Variants in KCNS3 observed in about 807,000 individuals in gnomAD.
KCNS3 encodes the protein delayed-rectifier potassium channel regulatory subunit KCNS3.
A neutral mutation model predicts 31.0 loss-of-function variants in KCNS3; 13 were observed. The observed-to-expected ratio is 0.42, with a 90% confidence interval of 0.27 to 0.67. The LOEUF (loss-of-function observed/expected upper bound fraction) is 0.67. KCNS3 is among the 30% of genes least tolerant of loss of function. The pLI, the probability that KCNS3 is intolerant of heterozygous loss-of-function variation, is 0.25. For synonymous variants in KCNS3, 238 were observed against 241.5 expected (o/e 0.99, Z 0.13); for missense variants, 545 against 622.4 (o/e 0.88, Z 1.32).
intron 1 of KCNS3, among the ~76,000 whole-genome samples, chr2:17,900,371 G>C (rs1662144425): frequency 6.6e-6 from 1 of 152,152 alleles, no homozygotes; most frequent in Admixed American, 6.5e-5. Context: ...GAGGTCTGGG[G>C]TCTGGGGTTG....
chr2:17,925,516 T>G (rs959015872), intron 2 of KCNS3, among the ~76,000 whole-genome samples: 2 of 152,156 alleles, frequency 1.3e-5, no homozygotes, highest in African/African-American at 2.4e-5. Flanking sequence ...TTTAATTGAC[T>G]CACAGTTCCG....
At chr2:17,886,174 G>A (rs775735505) in intron 1 of KCNS3, among the ~76,000 whole-genome samples, 3 of 152,212 alleles carry the variant, frequency 2.0e-5, no homozygotes, top group Non-Finnish European at 2.9e-5. Context: ...AATGCCAGCA[G>A]ACTAAATTTG....
At chr2:17,890,334 C>A (rs1282539847) in intron 1 of KCNS3, among the ~76,000 whole-genome samples, 1 of 151,898 alleles carries the variant, frequency 6.6e-6, no homozygotes, top group African/African-American at 2.4e-5. Flanking sequence ...GTTAATCTTG[C>A]TAATGGTCTA....
rs558256211 is a variant in KCNS3, at chr2:17,918,949, A to G, written c.-60+1078A>G. On this transcript the variant is annotated intron_variant, in intron 2 of 2. Coordinates refer to ENST00000304101, the MANE Select transcript of KCNS3 (RefSeq NM_002252.5). Reference sequence around the variant, plus strand: ...AGACCTCTGTATGTGCTTGATTCCAAGCAACCTGGCTCAGCTGGAGATGTG... The same window carrying G: ...AGACCTCTGTATGTGCTTGATTCCAGGCAACCTGGCTCAGCTGGAGATGTG... 7.2e-5 allele frequency among the ~76,000 whole-genome samples: 11 copies of G among 152,334 alleles called. No individual in the cohort carries two copies. The South Asian group carries it at 1.9e-3, about 26-fold the overall frequency.
At chr2:17,891,974 C>G (rs1050103023) in intron 1 of KCNS3, among the ~76,000 whole-genome samples, 2 of 152,158 alleles carry the variant, frequency 1.3e-5, no homozygotes, top group African/African-American at 4.8e-5. Flanking sequence ...GTCTAGGTCT[C>G]TAGCATGGCC....
At chr2:17,888,405 G>A (rs1193579443) in intron 1 of KCNS3, among the ~76,000 whole-genome samples, 3 of 151,566 alleles carry the variant, frequency 2.0e-5, no homozygotes, top group Admixed American at 2.0e-4. Context: ...GAGAGATGAG[G>A]ATCCAATTTC....
intron 1 of KCNS3, among the ~76,000 whole-genome samples, chr2:17,880,163 T>A (rs1674611800): frequency 6.6e-6 from 1 of 152,244 alleles, no homozygotes; most frequent in Non-Finnish European, 1.5e-5. Flanking sequence ...ACCTATCTCT[T>A]AGCTGAAGGC....
At chr2:17,929,885 C>T (rs765958171) in intron 2 of KCNS3, among the ~76,000 whole-genome samples, 54 of 152,250 alleles carry the variant, frequency 3.5e-4, no homozygotes, top group Admixed American at 1.0e-3. Flanking sequence ...ATTTTTCTAT[C>T]CAGCTACCAT....
intron 1 of KCNS3, among the ~76,000 whole-genome samples, chr2:17,910,750 C>T (rs1265361830): frequency 5.9e-5 from 9 of 151,966 alleles, no homozygotes; most frequent in African/African-American, 9.7e-5. Flanking sequence ...CTTTTGTAGC[C>T]GCAGATTCTC....
chr2:17,902,334 CTGTGTGTGTGTG>C (rs61498649), intron 1 of KCNS3, among the ~76,000 whole-genome samples: 11,390 of 149,700 alleles, frequency 0.076, 681 homozygotes, highest in East Asian at 0.37. Flanking sequence ...GGTTGGGAGA[CTGTGTGTGTGTG>C]TGTGTGTGTG....
intron 1 of KCNS3, among the ~76,000 whole-genome samples, chr2:17,894,624 A>G (rs1279627488): frequency 6.6e-6 from 1 of 152,242 alleles, no homozygotes; most frequent in African/African-American, 2.4e-5. Context: ...AGGTAGAGAA[A>G]GCCACGTTTT....
upstream of KCNS3, chr2:17,878,521 G>T (rs1307874089): frequency 6.6e-6 from 1 of 151,344 alleles, no homozygotes; most frequent in Admixed American, 6.6e-5. Context: ...GGCCCGGGGC[G>T]CCCGGCTGCG....
At chr2:17,912,587 C>T (rs1662495851) in intron 1 of KCNS3, among the ~76,000 whole-genome samples, 1 of 152,218 alleles carries the variant, frequency 6.6e-6, no homozygotes, top group Admixed American at 6.5e-5. Context: ...CTCTCCTTTC[C>T]TTTCTCTAGA....
chr2:17,929,070 A>G (rs1662897918), intron 2 of KCNS3, among the ~76,000 whole-genome samples: 2 of 152,150 alleles, frequency 1.3e-5, no homozygotes, highest in Admixed American at 1.3e-4. Flanking sequence ...AAACCTAGCT[A>G]TGTCTACTTG....
At chr2:17,905,170 C>A (rs1423992944) in intron 1 of KCNS3, among the ~76,000 whole-genome samples, 1 of 152,088 alleles carries the variant, frequency 6.6e-6, no homozygotes, top group African/African-American at 2.4e-5. Context: ...TGAAGAGGTC[C>A]TTCACATCCC....
intron 1 of KCNS3, among the ~76,000 whole-genome samples, chr2:17,881,698 C>T (rs1674647297): frequency 6.6e-6 from 1 of 152,200 alleles, no homozygotes; most frequent in Admixed American, 6.5e-5. Context: ...TGCAGAGCCA[C>T]TGTGAGATTC....
At chr2:17,897,768 CTTAGT>C (rs550285863) in intron 1 of KCNS3, among the ~76,000 whole-genome samples, 45 of 152,186 alleles carry the variant, frequency 3.0e-4, no homozygotes, top group Admixed American at 2.5e-3. Flanking sequence ...GCAGAATCTC[CTTAGT>C]TTAATTAGGT....
rs763985100 is a variant in KCNS3, at chr2:17,931,766, A to T, written c.758A>T (p.Asn253Ile). 3.1e-6 allele frequency: 5 copies of T among 1,613,178 alleles called. No individual in the cohort carries two copies. The South Asian group carries it at 5.5e-5, about 18-fold the overall frequency. ...CCTTGTCAAAAGAAATTCTGGAAAA[A>T]CCCTCTGAACATCATTGACTTTGTC... Reference protein sequence around the residue: ...AAPCQKKFWKNPLNIIDFVSI... With the variant: ...AAPCQKKFWKIPLNIIDFVSI... Residue 253 changes from asparagine (N) to isoleucine (I), a missense_variant, in exon 3 of 3, where the codon AAC becomes ATC. By Grantham distance (149) the Asn-to-Ile change is moderately radical (BLOSUM62 -3). Coordinates refer to ENST00000304101, the MANE Select transcript of KCNS3 (RefSeq NM_002252.5). The surrounding 1 kb of genome is among the most constrained non-coding windows in gnomAD (Gnocchi z 5.4).
intron 1 of KCNS3, among the ~76,000 whole-genome samples, chr2:17,885,917 G>A (rs1558445748): frequency 6.6e-6 from 1 of 152,138 alleles, no homozygotes; most frequent in Non-Finnish European, 1.5e-5. Context: ...CAGATAACCT[G>A]ATGGGGCATT....
Sources: gnomAD v4.1 joint callset for allele counts (sites outside exome capture counted in the v4.1 genomes callset) on GRCh38, gnomAD v4.1.1 for gene constraint, Gnocchi (gnomAD v3.1) non-coding constraint, MANE v1.5 for transcripts, NCBI Gene and HGNC (gene_info 2026-07-23, HGNC 2026-07-21) for gene names.